Variants in CCR6 observed in about 807,000 individuals in gnomAD.
The protein encoded by CCR6 is C-C chemokine receptor type 6.
Under a neutral mutation model 3.0 loss-of-function variants are expected in CCR6, and 2 were observed. The observed-to-expected ratio is 0.66, with a 90% CI of 0.27 to 2.07. The LOEUF (loss-of-function observed/expected upper bound fraction) is 2.07. Ranked by LOEUF, CCR6 falls within the 30% of genes most tolerant of loss-of-function variation. The pLI is 0.14. For missense variants in CCR6, 322 were observed against 462.8 expected, an observed-to-expected ratio of 0.70 and a Z score of 2.79; for synonymous variants, 193 against 184.3, an observed-to-expected ratio of 1.05 and a Z score of -0.38.
chr6:167,135,362 T>C (rs917076192), intron 1 of CCR6, among the ~76,000 whole-genome samples: 3 of 152,354 alleles, frequency 2.0e-5, no homozygotes, highest in South Asian at 4.1e-4. Flanking sequence ...AGATTCATGC[T>C]TGTGACCTGG....
chr6:167,127,876 T>C (rs766583176), intron 1 of CCR6, among the ~76,000 whole-genome samples: 1 of 152,234 alleles, frequency 6.6e-6, no homozygotes, highest in Non-Finnish European at 1.5e-5. Context: ...CAAGGAGATC[T>C]GGTCCTCGCC....
chr6:167,119,964 A>C (rs942647411), upstream of CCR6, among the ~76,000 whole-genome samples: 1 of 152,178 alleles, frequency 6.6e-6, no homozygotes, highest in Non-Finnish European at 1.5e-5. Context: ...GGTTTTGTAA[A>C]AACCAACAAA....
In CCR6 at chr6:167,136,145, T is replaced by A; in HGVS notation, c.9+2T>A. 5 of 1,613,790 alleles carry A rather than the reference T, an allele frequency of 3.1e-6. No homozygotes were observed. The highest frequency in any genetic ancestry group is 4.2e-6 in the Non-Finnish European group (5 of 1,179,944). ...TTTTTTCTGCCCACAATGAGCGGGG[T>A]AAGATTTTTATTTTTGGCAAGGGGT... is the stretch of plus-strand genomic sequence containing the variant. On this transcript the variant is annotated splice_donor_variant, in intron 2 of 2. Coordinates refer to ENST00000341935, the MANE Select transcript of CCR6 (RefSeq NM_031409.4). LOFTEE classifies it high-confidence loss of function. The surrounding 1 kb of genome is among the most constrained non-coding windows in gnomAD (Gnocchi z 4.6).
chr6:167,132,086 A>T (rs1781777273), intron 1 of CCR6, among the ~76,000 whole-genome samples: 1 of 152,138 alleles, frequency 6.6e-6, no homozygotes, highest in African/African-American at 2.4e-5. Context: ...GGTGCAGTGC[A>T]TGGTCTCTTC....
intron 1 of CCR6, among the ~76,000 whole-genome samples, chr6:167,127,622 T>C (rs1279734983): frequency 3.3e-5 from 5 of 152,256 alleles, no homozygotes; most frequent in Non-Finnish European, 7.3e-5. Flanking sequence ...CAGACATCCA[T>C]AGGATCTATA....
upstream of CCR6, among the ~76,000 whole-genome samples, chr6:167,120,640 A>G (rs963353639): frequency 2.6e-5 from 4 of 152,274 alleles, no homozygotes; most frequent in East Asian, 7.7e-4. Flanking sequence ...ACTCCTTATG[A>G]CTGTTATCTG....
rs991442542 is a variant in CCR6 at position 167,115,732 on chromosome 6, G to A, written c.-98+3718G>A. On this transcript the variant is annotated intron_variant, in intron 1 of 2. Coordinates refer to the CCR6 transcript ENST00000400926. ...TCCTTTTGCTTTTCTTAGAAATTCT[G>A]TTTCATTATGCAACCAACTTATTTT... 3 of 152,236 alleles carry A rather than the reference G, an allele frequency of 2.0e-5. No homozygotes were observed. In the East Asian group the frequency reaches 5.8e-4, roughly 29 times the overall value. The allele number at this position is 152,236 out of a possible 1,614,324, so 9.4% of individuals were successfully genotyped here.
At chr6:167,116,607 A>G (rs1356049251) in intron 1 of CCR6, 2 of 152,412 alleles carry the variant, frequency 1.3e-5, no homozygotes, top group East Asian at 1.9e-4. Flanking sequence ...CACCCTTCAC[A>G]TACTGACGGC....
chr6:167,137,004 T>G lies in CCR6; in HGVS notation c.774T>G (p.Ala258=). Residue 258 remains alanine (A), a synonymous_variant, in exon 3 of 3, where the codon GCT becomes GCG. Transcript: ENST00000341935. This position sits in a 1 kb window ranked among gnomAD's most constrained non-coding sequence, Gnocchi z 4.6. The stretch of plus-strand genomic sequence containing the variant: ...ACAAAGCCATCCGTGTAATCATAGC[T>G]GTGGTGCTTGTGTTTCTGGCTTGTC... ...KRHKAIRVII[A]VVLVFLACQI... is the part of the protein sequence containing the mutation. The G allele has an allele frequency of 1.2e-6, 2 of 1,614,220 alleles. No individual in the cohort carries two copies. The highest frequency in any genetic ancestry group is 2.2e-5 in the South Asian group (2 of 91,086).
intron 1 of CCR6, among the ~76,000 whole-genome samples, chr6:167,130,973 A>AC (rs1491251754): frequency 2.5e-5 from 2 of 80,054 alleles, no homozygotes; most frequent in East Asian, 6.6e-4. Flanking sequence ...TCCCTCTGGG[A>AC]CCACCCTCCC....
chr6:167,133,932 G>GTGTATATATATATATATATATATATA lies in CCR6; in HGVS notation c.-97-2105_-97-2104insGTATATATATATATATATATATATAT, dbSNP rs1183741225. ...ATACTATTATATATGATATATGTGT[G>GTGTATATATATATATATATATATATA]TATATATATATATATATATATATAT... On this transcript the variant is annotated intron_variant, in intron 1 of 2. Transcript: ENST00000341935. Among the ~76,000 whole-genome samples, 35 of 110,390 alleles carry GTGTATATATATATATATATATATATA rather than the reference G, an allele frequency of 3.2e-4. 5 individuals are homozygous for GTGTATATATATATATATATATATATA. The highest frequency in any genetic ancestry group is 5.8e-4 in the South Asian group (2 of 3,468). The allele number at this position is 110,390 out of a possible 152,430, so 72.4% of individuals were successfully genotyped here.
intron 1 of CCR6, among the ~76,000 whole-genome samples, chr6:167,117,415 C>CTTTTTTTTTTTTTTTTTTTTTT (rs35058463): frequency 8.2e-5 from 9 of 109,892 alleles, no homozygotes; most frequent in African/African-American, 1.5e-4. Flanking sequence ...TTTTTTTTTT[C>CTTTTTTTTTTTTTTTTTTTTTT]TTTTTTTTTT....
chr6:167,138,945 A>AG lies in CCR6; in HGVS notation c.*1590_*1591insG, dbSNP rs1781893485. 6.6e-6 allele frequency: 1 copy of AG among 151,682 alleles called. No individual in the cohort carries two copies. The highest frequency in any genetic ancestry group is 2.1e-4 in the South Asian group (1 of 4,800). The allele number at this position is 151,682 out of a possible 1,614,324, so 9.4% of individuals were successfully genotyped here. A position where few individuals can be genotyped will look rare whatever the true frequency, so the allele number is the denominator to read the frequency against. On this transcript the variant is annotated 3_prime_UTR_variant, in exon 3 of 3. Coordinates refer to ENST00000341935, the MANE Select transcript of CCR6 (RefSeq NM_031409.4). ...CTCCATCTCAAAAAAAAAAAAAAAA[A>AG]AAAAGGAAAGAACTGTCATGTAAAC...
chr6:167,132,544 T>G (rs1159914801), intron 1 of CCR6, among the ~76,000 whole-genome samples: 1 of 151,836 alleles, frequency 6.6e-6, no homozygotes, highest in African/African-American at 2.4e-5. Flanking sequence ...TGTGTGTGTA[T>G]GTGTGTGTGT....
In CCR6 at chr6:167,128,456, A is replaced by T. The variant is rs1035571710; in HGVS notation, c.-98+5233A>T. Among the ~76,000 whole-genome samples, 14 of 152,280 alleles carry T rather than the reference A, an allele frequency of 9.2e-5. 1 individual carries two copies. Among genetic ancestry groups the T allele is most frequent in the Admixed American group, 2.0e-4 (3 of 15,292 alleles). Reference sequence around the variant, plus strand: ...TCCAGCTGGCTGGATGTCTGCGCCCACATAGTACTGATTAACTAGCCTCTT... The same window carrying T: ...TCCAGCTGGCTGGATGTCTGCGCCCTCATAGTACTGATTAACTAGCCTCTT... On this transcript the variant is annotated intron_variant, in intron 1 of 2. Coordinates refer to ENST00000341935, the MANE Select transcript of CCR6 (RefSeq NM_031409.4).
In CCR6 at chr6:167,136,914, G is replaced by A. The variant is rs1353032457; in HGVS notation, c.684G>A (p.Met228Ile). The A allele has an allele frequency of 2.5e-6, 4 of 1,614,222 alleles. No individual in the cohort carries two copies. Among genetic ancestry groups the A allele is most frequent in the Non-Finnish European group, 3.4e-6 (4 of 1,180,052 alleles). ...TCTTTGGTTTCTTTATCCCTTTGAT[G>A]TTCATGATATTTTGTTACACGTTCA... ...ELLFGFFIPL[M>I]FMIFCYTFIV... The change falls in exon 3 of 3, where the codon ATG (methionine) becomes ATA (isoleucine). Residue 228 changes from methionine to isoleucine, a missense_variant. By Grantham distance (10) the Met-to-Ile change is conservative. Coordinates refer to ENST00000341935, the MANE Select transcript of CCR6 (RefSeq NM_031409.4). This position sits in a 1 kb window ranked among gnomAD's most constrained non-coding sequence, Gnocchi z 4.6.
chr6:167,134,158 T>C (rs1302553003), intron 1 of CCR6, among the ~76,000 whole-genome samples: 2 of 151,888 alleles, frequency 1.3e-5, no homozygotes, highest in Non-Finnish European at 1.5e-5. Flanking sequence ...GGTCTGAAAA[T>C]GGTTGTTACA....
chr6:167,135,567 G>A (rs1265911017), intron 1 of CCR6, among the ~76,000 whole-genome samples: 1 of 152,220 alleles, frequency 6.6e-6, no homozygotes, highest in Non-Finnish European at 1.5e-5. Flanking sequence ...TAAAGCCCGG[G>A]ACTATGAATT....
chr6:167,135,436 A>T (rs561738798), intron 1 of CCR6, among the ~76,000 whole-genome samples: 1 of 152,222 alleles, frequency 6.6e-6, no homozygotes, highest in East Asian at 1.9e-4. Flanking sequence ...GCGCCTTCCC[A>T]GGCTGGAGCA....
Sources: allele counts gnomAD v4.1 joint callset (sites outside exome capture counted in the v4.1 genomes callset), GRCh38; gene constraint gnomAD v4.1.1; non-coding constraint Gnocchi (gnomAD v3.1); transcripts MANE v1.5; gene names NCBI Gene and HGNC (gene_info 2026-07-23, HGNC 2026-07-21).